Variants in NRG1 observed in about 807,000 individuals in gnomAD.
The protein encoded by NRG1 is pro-neuregulin-1, membrane-bound isoform.
In NRG1, 18 loss-of-function variants were observed where a neutral mutation model predicts 63.8. The observed-to-expected ratio is 0.28, with a 90% CI of 0.19 to 0.42. The LOEUF is 0.42. Ranked by LOEUF, NRG1 falls within the 10% of genes least tolerant of loss-of-function variation. NRG1 has a pLI of 1.00. For missense variants in NRG1, 762 were observed against 814.7 expected, an observed-to-expected ratio of 0.94 and a Z score of 0.79; for synonymous variants, 302 against 301.3, an observed-to-expected ratio of 1.00 and a Z score of -0.02.
intron 1 of NRG1, among the ~76,000 whole-genome samples, chr8:32,427,612 T>G (rs1379197142): frequency 1.3e-5 from 2 of 152,194 alleles, no homozygotes; most frequent in Non-Finnish European, 2.9e-5. Flanking sequence ...GTTTTAGAGG[T>G]AACAACATAT....
Position 32,743,511 on chromosome 8 carries a change from G to A in NRG1, c.691+778G>A, listed in dbSNP as rs571205554. On this transcript the variant is annotated intron_variant, in intron 7 of 11. Coordinates refer to ENST00000356819, the Ensembl canonical transcript of NRG1. Reference sequence around the variant, plus strand: ...AACAACTCAACTATAGGATAAATATGTGTTTGTATATATATATGTGTGTGC... The same window carrying A: ...AACAACTCAACTATAGGATAAATATATGTTTGTATATATATATGTGTGTGC... Among the ~76,000 whole-genome samples the A allele has an allele frequency of 4.8e-5, 7 of 145,620 alleles. No individual in the cohort carries two copies. The Admixed American group carries it at 4.9e-4, about 10-fold the overall frequency.
At chr8:31,683,024 G>A (rs1808497815) in intron 1 of NRG1, among the ~76,000 whole-genome samples, 1 of 152,090 alleles carries the variant, frequency 6.6e-6, no homozygotes. Flanking sequence ...ATATACCAGA[G>A]CATTCTGTGT....
chr8:32,709,837 TA>T (rs1817374371), intron 5 of NRG1, among the ~76,000 whole-genome samples: 1 of 152,182 alleles, frequency 6.6e-6, no homozygotes, highest in African/African-American at 2.4e-5. Context: ...TAAAATTTAG[TA>T]AAAAATCAAC....
At chr8:32,376,031 C>A (rs1246928034) in intron 1 of NRG1, among the ~76,000 whole-genome samples, 1 of 152,124 alleles carries the variant, frequency 6.6e-6, no homozygotes, top group East Asian at 1.9e-4. Context: ...AGCAGACTAA[C>A]CCAAGAAATA....
At chr8:32,717,712 G>A (rs1229973300) in intron 5 of NRG1, among the ~76,000 whole-genome samples, 1 of 152,144 alleles carries the variant, frequency 6.6e-6, no homozygotes, top group Non-Finnish European at 1.5e-5. Flanking sequence ...TGGCTAAATG[G>A]TATATAGCAA....
At chr8:32,093,079 TTG>T (rs2131288906) in intron 1 of NRG1, among the ~76,000 whole-genome samples, 1 of 152,332 alleles carries the variant, frequency 6.6e-6, no homozygotes, top group East Asian at 1.9e-4. Flanking sequence ...CAGACTGTTA[TTG>T]TGTCTATGTA....
In NRG1 at chr8:31,716,181, C is replaced by T. The variant is rs180698881; in HGVS notation, c.37+76750C>T. Among the ~76,000 whole-genome samples the T allele has an allele frequency of 2.0e-5, 3 of 152,302 alleles. No individual in the cohort carries two copies. The East Asian group carries it at 5.8e-4, about 29-fold the overall frequency. ...TTTCAGGAGAGATTGTCCTCTGGAG[C>T]ATATACTAGCATCAGGCAGCTGCTT... is the stretch of plus-strand genomic sequence containing the variant. On this transcript the variant is annotated intron_variant, in intron 1 of 10. Transcript: ENST00000519301.
intron 1 of NRG1, among the ~76,000 whole-genome samples, chr8:32,082,445 G>A (rs1051863869): frequency 1.3e-5 from 2 of 151,666 alleles, no homozygotes; most frequent in South Asian, 2.1e-4. Flanking sequence ...TTTAGCTCCC[G>A]CTTATTAGTG....
chr8:32,346,722 C>T (rs1039760657), intron 1 of NRG1, among the ~76,000 whole-genome samples: 1 of 151,976 alleles, frequency 6.6e-6, no homozygotes, highest in South Asian at 2.1e-4. Flanking sequence ...ATTGATATAG[C>T]ATAGTTGGTA....
chr8:32,487,284 G>A (rs144479130), intron 1 of NRG1, among the ~76,000 whole-genome samples: 33 of 152,254 alleles, frequency 2.2e-4, no homozygotes, highest in African/African-American at 7.5e-4. Flanking sequence ...TGTCTCAAAT[G>A]TGCCCATGAC....
rs147004315 is a variant in NRG1, at chr8:32,630,369, G to A, written c.502+13484G>A. Among the ~76,000 whole-genome samples the A allele has an allele frequency of 3.8e-3, 578 of 152,250 alleles. 2 individuals are homozygous for A. Among genetic ancestry groups the A allele is most frequent in the Non-Finnish European group, 6.5e-3 (439 of 68,018 alleles). On this transcript the variant is annotated intron_variant, in intron 5 of 11. Transcript: ENST00000356819. ...TTTAGGTACCAAATTATATTTATTT[G>A]ATACTTGGATAATTTAAAAATAATG...
rs1826697482 is a variant in NRG1 at position 32,742,959 on chromosome 8, T to C, written c.691+226T>C. The C allele has an allele frequency of 2.9e-6, 4 of 1,374,434 alleles. No homozygotes were observed. Among genetic ancestry groups the C allele is most frequent in the Non-Finnish European group, 3.8e-6 (4 of 1,060,440 alleles). 85.1% of individuals were successfully genotyped at this position (1,374,434 alleles called of 1,614,324 possible). A position where few individuals can be genotyped will look rare whatever the true frequency, so the allele number is the denominator to read the frequency against. On this transcript the variant is annotated intron_variant, in intron 7 of 11. Transcript: ENST00000356819. The surrounding 1 kb of genome is among the most constrained non-coding windows in gnomAD (Gnocchi z 4.2). ...TGAGATACTAATAGGTGTGTGAGGC[T>C]CCGGATGTTTCTGGAATTGATATTG...
intron 1 of NRG1, among the ~76,000 whole-genome samples, chr8:32,073,531 G>A (rs1217997110): frequency 5.9e-5 from 9 of 152,178 alleles, no homozygotes; most frequent in Non-Finnish European, 1.0e-4. Flanking sequence ...GTTTTTATGC[G>A]TCTCTCTTTT....
intron 1 of NRG1, among the ~76,000 whole-genome samples, chr8:32,399,364 T>A (rs1393708040): frequency 6.6e-6 from 1 of 152,240 alleles, no homozygotes; most frequent in Non-Finnish European, 1.5e-5. Flanking sequence ...TGATAATCTG[T>A]GATTTTGATT....
At chr8:32,158,486 A>G (rs1423423222) in intron 1 of NRG1, among the ~76,000 whole-genome samples, 1 of 49,292 alleles carries the variant, frequency 2.0e-5, no homozygotes, top group African/African-American at 5.4e-5. Context: ...GTATATGTAT[A>G]TGATTTACCT....
At chr8:32,729,776 G>C (rs751856329) in intron 6 of NRG1, among the ~76,000 whole-genome samples, 1 of 152,100 alleles carries the variant, frequency 6.6e-6, no homozygotes, top group African/African-American at 2.4e-5. Flanking sequence ...AAAAAGCAAC[G>C]ATCGAAAATG....
At chr8:32,286,355 G>A (rs997636976) in intron 1 of NRG1, among the ~76,000 whole-genome samples, 1 of 152,218 alleles carries the variant, frequency 6.6e-6, no homozygotes, top group African/African-American at 2.4e-5. Flanking sequence ...AGCAAGGTAG[G>A]TGGGGGCTGA....
In NRG1 at chr8:32,229,867, C is replaced by T. The variant is rs1202749039; in HGVS notation, c.38-365961C>T. ...TTTTCATTTTTTTTTCTTACTAGAA[C>T]GCAGAATGTTTTTGAGAGTAGAGGT... On this transcript the variant is annotated intron_variant, in intron 1 of 10. Transcript: ENST00000519301. 4.6e-5 allele frequency among the ~76,000 whole-genome samples: 7 copies of T among 151,680 alleles called. No homozygotes were observed. The East Asian group carries it at 1.4e-3, about 29-fold the overall frequency.
At chr8:32,146,377 T>C (rs903047140) in intron 1 of NRG1, among the ~76,000 whole-genome samples, 6 of 152,202 alleles carry the variant, frequency 3.9e-5, no homozygotes, top group African/African-American at 1.4e-4. Context: ...ACTGTTTCGA[T>C]GAGAATTAAT....
Sources: gnomAD v4.1 joint callset for allele counts (sites outside exome capture counted in the v4.1 genomes callset) on GRCh38, gnomAD v4.1.1 for gene constraint, Gnocchi (gnomAD v3.1) non-coding constraint, MANE v1.5 for transcripts, NCBI Gene and HGNC (gene_info 2026-07-23, HGNC 2026-07-21) for gene names.